Variants in KDM2B observed in about 807,000 individuals in gnomAD.
KDM2B encodes lysine demethylase 2B.
A neutral mutation model predicts 150.0 loss-of-function variants in KDM2B; 26 were observed. The observed-to-expected ratio is 0.17, with a 90% CI of 0.13 to 0.24. KDM2B has a LOEUF of 0.24. Ranked by LOEUF, KDM2B falls within the 10% of genes least tolerant of loss-of-function variation. The pLI is 1.00. For synonymous variants in KDM2B, 734 were observed against 729.5 expected (o/e 1.01, Z -0.10); for missense variants, 1,265 against 1,816.9 (o/e 0.70, Z 5.52).
chr12:121,495,945 A>C (rs1156304734), intron 11 of KDM2B, among the ~76,000 whole-genome samples: 1 of 146,244 alleles, frequency 6.8e-6, no homozygotes, highest in Admixed American at 6.9e-5. Flanking sequence ...CACTGTGTTC[A>C]CTCTCGGTGA....
At chr12:121,572,162 C>T (rs942504170) in intron 4 of KDM2B, among the ~76,000 whole-genome samples, 2 of 152,186 alleles carry the variant, frequency 1.3e-5, no homozygotes, top group Non-Finnish European at 2.9e-5. Context: ...CACGCCGCTG[C>T]ACTCTAGCTT....
intron 12 of KDM2B, among the ~76,000 whole-genome samples, chr12:121,473,791 T>C (rs529839819): frequency 6.7e-4 from 101 of 151,584 alleles, no homozygotes; most frequent in African/African-American, 2.4e-3. Flanking sequence ...TCACTGTTCA[T>C]AGCAGTTTTA....
At chr12:121,545,486 T>A (rs1269772095) in intron 6 of KDM2B, among the ~76,000 whole-genome samples, 1 of 152,094 alleles carries the variant, frequency 6.6e-6, no homozygotes, top group South Asian at 2.1e-4. Flanking sequence ...TTTAAAGGAA[T>A]CTTTCAATAA....
rs367591409 is a variant in KDM2B at position 121,442,681 on chromosome 12, G to A, written c.2760C>T (p.Ser920=). The change falls in exon 19 of 23, where the codon AGC becomes AGT. Residue 920 remains serine (S), a synonymous_variant. Coordinates refer to ENST00000377071, the MANE Select transcript of KDM2B (RefSeq NM_032590.5). The surrounding 1 kb of genome is among the most constrained non-coding windows in gnomAD (Gnocchi z 7.7). ...CCTCCGGGCCCTCGGCCCCTTCGGT[G>A]CTGGGTCCCGCGGTGGGGGAGCTGG... The part of the protein sequence containing the change: ...SRSSSPTAGP[S]TEGAEGPEEK... 8 of 1,603,034 alleles carry A rather than the reference G, an allele frequency of 5.0e-6. No homozygotes were observed. Among genetic ancestry groups the A allele is most frequent in the Non-Finnish European group, 6.8e-6 (8 of 1,175,400 alleles).
intron 1 of KDM2B, chr12:121,580,584 G>C: frequency 2.1e-6 from 1 of 471,498 alleles, no homozygotes; most frequent in Non-Finnish European, 3.7e-6. Flanking sequence ...GGGAGGGAGG[G>C]AAGGAGGAGG....
rs1202773897 is a variant in KDM2B at position 121,580,175 on chromosome 12, C to G, written c.126+611G>C. The G allele has an allele frequency of 1.2e-5, 19 of 1,531,780 alleles. No individual in the cohort carries two copies. In the African/African-American group the frequency reaches 2.3e-4, roughly 19 times the overall value. The allele number at this position is 1,531,780 out of a possible 1,614,324, so 94.9% of individuals were successfully genotyped here. A position where few individuals can be genotyped will look rare whatever the true frequency, so the allele number is the denominator to read the frequency against. ...AATAAATAAATAAAGCAAGCCAGAG[C>G]CGAGATCTACAAAGTTTTGCACCAA... On this transcript the variant is annotated intron_variant, in intron 1 of 22. Transcript: ENST00000377071.
intron 12 of KDM2B, among the ~76,000 whole-genome samples, chr12:121,477,593 T>TTGG (rs398021393): frequency 6.7e-6 from 1 of 149,940 alleles, no homozygotes. Flanking sequence ...TTTTTTTTTT[T>TTGG]GGAGATGGAG....
At position 121,452,676 on chromosome 12, in the gene KDM2B, GT is replaced by G. The variant is rs1247532465; in HGVS notation, c.1959+443del. Among the ~76,000 whole-genome samples, 2 of 152,264 alleles carry G rather than the reference GT, an allele frequency of 1.3e-5. No individual in the cohort carries two copies. The stretch of plus-strand genomic sequence containing the variant: ...ACTGCCGGAGCTGAGGCCAGGCGGT[GT>G]GGAGGGGCGGGCCAGGCTCTCCCGG... On this transcript the variant is annotated intron_variant, in intron 13 of 22. Coordinates refer to ENST00000377071, the MANE Select transcript of KDM2B (RefSeq NM_032590.5). The surrounding 1 kb of genome is among the most constrained non-coding windows in gnomAD (Gnocchi z 4.4).
intron 8 of KDM2B, among the ~76,000 whole-genome samples, chr12:121,522,254 G>A (rs1204539635): frequency 3.3e-5 from 5 of 152,156 alleles, no homozygotes; most frequent in African/African-American, 4.8e-5. Flanking sequence ...GGTGGCTCAC[G>A]CCTGTAATCC....
rs1041091334 is a variant in KDM2B, at chr12:121,561,046, C to T, written c.398-11408G>A. On this transcript the variant is annotated intron_variant, in intron 4 of 22. Coordinates refer to ENST00000377071, the MANE Select transcript of KDM2B (RefSeq NM_032590.5). ...AGGCCAGCAGCCTCCCTCCCTCCGC[C>T]GCCCACCCACCCCAGGATCATCGGT... is the stretch of plus-strand genomic sequence containing the variant. 2.1e-4 allele frequency among the ~76,000 whole-genome samples: 32 copies of T among 152,172 alleles called. 1 individual carries two copies. The highest frequency in any genetic ancestry group is 7.2e-4 in the African/African-American group (30 of 41,440).
At chr12:121,536,416 C>T (rs940402168) in intron 6 of KDM2B, among the ~76,000 whole-genome samples, 2 of 152,224 alleles carry the variant, frequency 1.3e-5, no homozygotes, top group Non-Finnish European at 2.9e-5. Flanking sequence ...CAGGCGCGGG[C>T]TGCGGAGCTG....
chr12:121,580,156 T>C, intron 1 of KDM2B: 2 of 1,549,294 alleles, frequency 1.3e-6, no homozygotes, highest in South Asian at 2.4e-5. Flanking sequence ...AAAAAATAAA[T>C]AAATAAAGCA....
intron 6 of KDM2B, among the ~76,000 whole-genome samples, chr12:121,539,503 C>A (rs1888432829): frequency 2.0e-5 from 3 of 151,974 alleles, no homozygotes; most frequent in Non-Finnish European, 4.4e-5. Context: ...ATCTGTGTAA[C>A]CGTAGCACCC....
At chr12:121,498,427 G>T (rs945455688) in intron 11 of KDM2B, among the ~76,000 whole-genome samples, 1 of 152,222 alleles carries the variant, frequency 6.6e-6, no homozygotes, top group Non-Finnish European at 1.5e-5. Flanking sequence ...CTCCTATGGG[G>T]ATGAAAAGCC....
Position 121,520,712 on chromosome 12 carries a change from T to C in KDM2B, c.1047+273A>G, listed in dbSNP as rs1453436871. On this transcript the variant is annotated intron_variant, in intron 9 of 22. Coordinates refer to ENST00000377071, the MANE Select transcript of KDM2B (RefSeq NM_032590.5). The surrounding 1 kb of genome is among the most constrained non-coding windows in gnomAD (Gnocchi z 4.5). ...GCAGGTCCCTGAAATCTCACGGTGC[T>C]TTCTCAGAGACACTTCCTCTTCCAC... 6.6e-6 allele frequency among the ~76,000 whole-genome samples: 1 copy of C among 152,138 alleles called. No individual in the cohort carries two copies. Among genetic ancestry groups the C allele is most frequent in the Non-Finnish European group, 1.5e-5 (1 of 68,012 alleles).
chr12:121,540,696 G>A lies in KDM2B; in HGVS notation c.684-6106C>T, dbSNP rs1251072288. Among the ~76,000 whole-genome samples, 3 of 146,508 alleles carry A rather than the reference G, an allele frequency of 2.0e-5. No individual in the cohort carries two copies. The Admixed American group carries it at 2.1e-4, about 10-fold the overall frequency. On this transcript the variant is annotated intron_variant, in intron 6 of 22. Coordinates refer to ENST00000377071, the MANE Select transcript of KDM2B (RefSeq NM_032590.5). ...TGGAACCCGGGAGGCAGAGGTTGCA[G>A]TGAGCCGAGATTGCATCACCGGCAC...
chr12:121,488,964 A>G (rs1292468799), intron 12 of KDM2B, among the ~76,000 whole-genome samples: 1 of 152,036 alleles, frequency 6.6e-6, no homozygotes, highest in Non-Finnish European at 1.5e-5. Context: ...GTACACCACC[A>G]CGCCAGATAG....
At chr12:121,448,303 C>T (rs962460957) in intron 13 of KDM2B, among the ~76,000 whole-genome samples, 1 of 108,882 alleles carries the variant, frequency 9.2e-6, no homozygotes, top group Non-Finnish European at 1.7e-5. Flanking sequence ...CTGAGCGACA[C>T]AGCAAGACTC....
At chr12:121,471,479 G>C (rs1245116581) in intron 12 of KDM2B, among the ~76,000 whole-genome samples, 4 of 152,136 alleles carry the variant, frequency 2.6e-5, no homozygotes, top group African/African-American at 9.7e-5. Context: ...ACCCCTGGCT[G>C]CTAAGAGGTT....
Sources: allele counts gnomAD v4.1 joint callset (sites outside exome capture counted in the v4.1 genomes callset), GRCh38; gene constraint gnomAD v4.1.1; non-coding constraint Gnocchi (gnomAD v3.1); transcripts MANE v1.5; gene names NCBI Gene and HGNC (gene_info 2026-07-23, HGNC 2026-07-21).